The following REV3L variants were observed in gnomAD, a reference collection of about 807,000 sequenced individuals.
The protein encoded by REV3L is REV3 like, DNA directed polymerase zeta catalytic subunit, also known as DNA polymerase zeta catalytic subunit.
Under a neutral mutation model 299.4 loss-of-function variants are expected in REV3L, and 69 were observed. The ratio of observed to expected loss-of-function variants is 0.23; its 90% CI spans 0.19 to 0.28. The LOEUF (loss-of-function observed/expected upper bound fraction) is 0.28, where lower values mean the gene tolerates loss of function less well. Among genes scored for constraint, REV3L ranks in the 10% least tolerant of loss-of-function variants. REV3L has a pLI of 1.00. For missense variants in REV3L, 3,128 were observed against 3,693.8 expected, an observed-to-expected ratio of 0.85 and a Z score of 3.97; for synonymous variants, 1,238 against 1,271.4, an observed-to-expected ratio of 0.97 and a Z score of 0.56.
intron 1 of REV3L, among the ~76,000 whole-genome samples, chr6:111,476,303 G>A (rs1336264503): frequency 1.3e-5 from 2 of 152,078 alleles, no homozygotes; most frequent in East Asian, 3.9e-4. Flanking sequence ...CCACAAACGT[G>A]TACCACCCTG....
At chr6:111,344,219 G>C (rs892016624) in intron 20 of REV3L, among the ~76,000 whole-genome samples, 176 bp from the exon 21 acceptor site, 2 of 152,192 alleles carry the variant, frequency 1.3e-5, no homozygotes. Context: ...CTACTGGACA[G>C]AAATGTTCAT....
At position 111,375,533 on chromosome 6, in the gene REV3L, G is replaced by A; in HGVS notation, c.2822C>T (p.Ser941Leu). The A allele has an allele frequency of 1.2e-6, 2 of 1,612,752 alleles. No individual in the cohort carries two copies. Among genetic ancestry groups the A allele is most frequent in the Non-Finnish European group, 8.5e-7 (1 of 1,179,650 alleles). The change falls in exon 13 of 32, where the codon TCA (serine) becomes TTA (leucine). Residue 941 changes from serine to leucine, a missense_variant. Coordinates refer to ENST00000368802, the MANE Select transcript of REV3L (RefSeq NM_001372078.1). ...CATGGGATGAGGTAGACTAATTTTT[G>A]AGTTGTGAGTTACAAAACTTGACTC... ...DSESSFVTHN[S>L]KISLPHPMEI...
rs2128351635 is a variant in REV3L, at chr6:111,483,015, C to G, written c.-127G>C. The G allele has an allele frequency of 8.5e-7, 1 of 1,169,796 alleles. No individual in the cohort carries two copies. Among genetic ancestry groups the G allele is most frequent in the Non-Finnish European group, 1.1e-6 (1 of 895,312 alleles). The allele number at this position is 1,169,796 out of a possible 1,614,324, so 72.5% of individuals were successfully genotyped here. A position where few individuals can be genotyped will look rare whatever the true frequency, so the allele number is the denominator to read the frequency against. On this transcript the variant is annotated 5_prime_UTR_variant, in exon 1 of 32. Coordinates refer to ENST00000368802, the MANE Select transcript of REV3L (RefSeq NM_001372078.1). ...CTCGGCACGGCCCCCTCCCCTCACA[C>G]AGAGGCACCTCGAGGAGCGGCGGGC...
At chr6:111,478,545 CTAT>C (rs944572022) in intron 1 of REV3L, among the ~76,000 whole-genome samples, 4 of 150,144 alleles carry the variant, frequency 2.7e-5, no homozygotes, top group Non-Finnish European at 5.9e-5. Context: ...AAAGCAGATT[CTAT>C]TAGAGAAACT....
chr6:111,441,111 A>G (rs1788212670), intron 1 of REV3L, among the ~76,000 whole-genome samples: 1 of 152,126 alleles, frequency 6.6e-6, no homozygotes, highest in African/African-American at 2.4e-5. Flanking sequence ...ATTACTTCAA[A>G]TATTTATTTT....
At chr6:111,437,809 A>G (rs554173336) in intron 1 of REV3L, among the ~76,000 whole-genome samples, 1 of 152,232 alleles carries the variant, frequency 6.6e-6, no homozygotes, top group Admixed American at 6.5e-5. Context: ...ACTGAATTGT[A>G]TAAATAGGTA....
At chr6:111,325,310 TG>T in intron 25 of REV3L, among the ~76,000 whole-genome samples, 1 of 152,344 alleles carries the variant, frequency 6.6e-6, no homozygotes, top group South Asian at 2.1e-4. Flanking sequence ...AGTAGAAAAC[TG>T]TCAACATATA....
intron 1 of REV3L, among the ~76,000 whole-genome samples, chr6:111,459,280 C>A (rs1430495009): frequency 6.6e-6 from 1 of 152,040 alleles, no homozygotes; most frequent in Non-Finnish European, 1.5e-5. Flanking sequence ...CAAAAATTAA[C>A]TCAAGATGGA....
At chr6:111,384,990 G>A (rs1025083899) in intron 9 of REV3L, among the ~76,000 whole-genome samples, 2 of 152,094 alleles carry the variant, frequency 1.3e-5, no homozygotes, top group Admixed American at 6.6e-5. Context: ...TGTGAAATAC[G>A]CCAGGCACAG....
At chr6:111,326,722 C>A (rs1442616206) in intron 25 of REV3L, among the ~76,000 whole-genome samples, 1 of 150,716 alleles carries the variant, frequency 6.6e-6, no homozygotes, top group Non-Finnish European at 1.5e-5. Flanking sequence ...TGTCCATCAA[C>A]GAGTGAATGG....
At chr6:111,355,574 C>G (rs372128621) in intron 18 of REV3L, among the ~76,000 whole-genome samples, 1 of 152,086 alleles carries the variant, frequency 6.6e-6, no homozygotes, top group Non-Finnish European at 1.5e-5. Flanking sequence ...ATTACTAGTA[C>G]ATTTCATTTT....
intron 9 of REV3L, among the ~76,000 whole-genome samples, chr6:111,385,106 G>C (rs1314605166): frequency 1.3e-5 from 2 of 152,042 alleles, no homozygotes; most frequent in African/African-American, 2.4e-5. Context: ...CCAGAAGCTA[G>C]GAAGGGTAGT....
At chr6:111,446,244 ATCC>A (rs564435521) in intron 1 of REV3L, among the ~76,000 whole-genome samples, 256 of 152,332 alleles carry the variant, frequency 1.7e-3, no homozygotes, top group African/African-American at 5.7e-3. Context: ...TTTAAAACAG[ATCC>A]TGCTGCTCCA....
At chr6:111,473,501 T>G (rs761150550) in intron 1 of REV3L, among the ~76,000 whole-genome samples, 1 of 152,012 alleles carries the variant, frequency 6.6e-6, no homozygotes, top group Admixed American at 6.6e-5. Context: ...TCAATTTTTA[T>G]TTATGTTTGC....
chr6:111,474,452 A>G (rs1432130721), intron 1 of REV3L, among the ~76,000 whole-genome samples: 2 of 152,214 alleles, frequency 1.3e-5, no homozygotes, highest in Non-Finnish European at 2.9e-5. Context: ...CTTTCCCACA[A>G]AAGGCAGCTG....
chr6:111,424,284 G>C (rs537815991), intron 1 of REV3L, among the ~76,000 whole-genome samples: 151 of 152,298 alleles, frequency 9.9e-4, no homozygotes, highest in African/African-American at 3.5e-3. Context: ...GGCAAGTAAC[G>C]AGAGGCTGGA....
intron 20 of REV3L, among the ~76,000 whole-genome samples, chr6:111,345,174 A>G (rs1380085708): frequency 6.6e-6 from 1 of 152,242 alleles, no homozygotes; most frequent in African/African-American, 2.4e-5. Flanking sequence ...TCTACTAAAT[A>G]GTTCTACTAA....
chr6:111,424,985 G>A (rs1785998073), intron 1 of REV3L, among the ~76,000 whole-genome samples: 1 of 152,202 alleles, frequency 6.6e-6, no homozygotes, highest in Non-Finnish European at 1.5e-5. Flanking sequence ...CCATAAGCAT[G>A]TGTAGGGCTA....
At chr6:111,394,907 G>T (rs942873197) in intron 4 of REV3L, among the ~76,000 whole-genome samples, 69 of 152,108 alleles carry the variant, frequency 4.5e-4, no homozygotes, top group African/African-American at 1.6e-3. Context: ...GCACAGGCTG[G>T]ACTCAAATTT....
Sources: gnomAD v4.1 joint callset for allele counts (sites outside exome capture counted in the v4.1 genomes callset) on GRCh38, gnomAD v4.1.1 for gene constraint, MANE v1.5 for transcripts, NCBI Gene and HGNC (gene_info 2026-07-23, HGNC 2026-07-21) for gene names.